The following NWD2 variants were observed in gnomAD, a reference collection of about 807,000 sequenced individuals.
NWD2 encodes NACHT and WD repeat domain containing 2, also known as NACHT and WD repeat domain-containing protein 2.
A neutral mutation model predicts 132.7 loss-of-function variants in NWD2; 37 were observed. The ratio of observed to expected loss-of-function variants is 0.28; its 90% CI spans 0.21 to 0.37. NWD2 has a LOEUF of 0.37. Ranked by LOEUF, NWD2 falls within the 10% of genes least tolerant of loss-of-function variation. The pLI is 1.00. For missense variants in NWD2, 1,592 were observed against 2,122.4 expected (o/e 0.75, Z 4.91); for synonymous variants, 705 against 803.0 (o/e 0.88, Z 2.06).
At chr4:37,278,448 C>T (rs909422957) in intron 1 of NWD2, among the ~76,000 whole-genome samples, 3 of 152,168 alleles carry the variant, frequency 2.0e-5, no homozygotes, top group African/African-American at 4.8e-5. Flanking sequence ...ATGCCAGCCT[C>T]GTGGCTTACC....
intron 3 of NWD2, among the ~76,000 whole-genome samples, chr4:37,408,665 C>T (rs1317392090): frequency 1.3e-5 from 2 of 152,318 alleles, no homozygotes; most frequent in African/African-American, 4.8e-5. Flanking sequence ...CCCAGCACAG[C>T]GTTGGAGCTC....
At chr4:37,253,724 A>G (rs1717445980) in intron 1 of NWD2, among the ~76,000 whole-genome samples, 1 of 152,212 alleles carries the variant, frequency 6.6e-6, no homozygotes, top group Non-Finnish European at 1.5e-5. Flanking sequence ...CGGCCTTGGG[A>G]AAAGTCACAT....
At chr4:37,259,135 T>G (rs1717581003) in intron 1 of NWD2, among the ~76,000 whole-genome samples, 1 of 152,196 alleles carries the variant, frequency 6.6e-6, no homozygotes, top group South Asian at 2.1e-4. Flanking sequence ...ATAATCTAGA[T>G]TATGCACTGC....
intron 3 of NWD2, among the ~76,000 whole-genome samples, chr4:37,390,654 T>A (rs1720664670): frequency 6.6e-6 from 1 of 152,108 alleles, no homozygotes; most frequent in African/African-American, 2.4e-5. Context: ...CTGCCTTAAA[T>A]CCATCAAAAA....
At chr4:37,274,263 C>A (rs1431344393) in intron 1 of NWD2, among the ~76,000 whole-genome samples, 9 of 152,056 alleles carry the variant, frequency 5.9e-5, no homozygotes, top group Non-Finnish European at 1.2e-4. Context: ...CCACCGATCC[C>A]ACAGAAATAC....
intron 3 of NWD2, among the ~76,000 whole-genome samples, chr4:37,375,081 ATCT>A (rs1329313189): frequency 2.6e-5 from 4 of 152,198 alleles, no homozygotes; most frequent in Non-Finnish European, 5.9e-5. Flanking sequence ...TACCTGTGTA[ATCT>A]TCTGTGCTTT....
At chr4:37,442,393 C>T (rs921621408) in intron 6 of NWD2, among the ~76,000 whole-genome samples, 3 of 152,148 alleles carry the variant, frequency 2.0e-5, no homozygotes, top group African/African-American at 7.2e-5. Flanking sequence ...ATATTTTATC[C>T]TTTAACACCA....
chr4:37,427,649 C>T (rs1468476542), intron 3 of NWD2, among the ~76,000 whole-genome samples: 1 of 152,136 alleles, frequency 6.6e-6, no homozygotes, highest in Non-Finnish European at 1.5e-5. Flanking sequence ...CATTCTAGCC[C>T]CTTCTAAAGG....
intron 1 of NWD2, among the ~76,000 whole-genome samples, chr4:37,265,611 G>T (rs1176848219): frequency 6.6e-6 from 1 of 151,982 alleles, no homozygotes; most frequent in African/African-American, 2.4e-5. Flanking sequence ...CATCTTCAGT[G>T]CCAGTAGCAT....
At chr4:37,320,051 T>C (rs1314034479) in intron 1 of NWD2, among the ~76,000 whole-genome samples, 1 of 152,220 alleles carries the variant, frequency 6.6e-6, no homozygotes, top group East Asian at 1.9e-4. Flanking sequence ...ATTGAATCTG[T>C]AGATTGCTTT....
At chr4:37,372,601 G>A (rs1198784801) in intron 3 of NWD2, among the ~76,000 whole-genome samples, 2 of 152,170 alleles carry the variant, frequency 1.3e-5, no homozygotes, top group African/African-American at 2.4e-5. Flanking sequence ...AATATTGGCC[G>A]CTACTAGTAA....
chr4:37,278,849 T>C (rs1718075036), intron 1 of NWD2, among the ~76,000 whole-genome samples: 1 of 152,188 alleles, frequency 6.6e-6, no homozygotes, highest in Non-Finnish European at 1.5e-5. Context: ...TTCACCCTTT[T>C]AAACCTCCTT....
chr4:37,333,436 C>T lies in NWD2; in HGVS notation c.240+7412C>T, dbSNP rs150496834. 3.3e-3 allele frequency among the ~76,000 whole-genome samples: 502 copies of T among 152,296 alleles called. 3 individuals carry two copies. Among genetic ancestry groups the T allele is most frequent in the African/African-American group, 0.011 (469 of 41,562 alleles). ...AAAGTAAGGGAAGATAACAAGATCT[C>T]TGCCTGGTAATCCAGAGAATTCTTC... On this transcript the variant is annotated intron_variant, in intron 2 of 6. Transcript: ENST00000309447.
intron 3 of NWD2, among the ~76,000 whole-genome samples, chr4:37,400,467 C>T (rs1181387020): frequency 6.6e-6 from 1 of 152,114 alleles, no homozygotes; most frequent in Admixed American, 6.5e-5. Flanking sequence ...CAGAGAGTTC[C>T]CTCTCATCAT....
chr4:37,255,182 A>G (rs1201726309), intron 1 of NWD2, among the ~76,000 whole-genome samples: 2 of 152,236 alleles, frequency 1.3e-5, no homozygotes, highest in African/African-American at 4.8e-5. Context: ...AGGCAGGACA[A>G]ACAACTATAA....
intron 3 of NWD2, among the ~76,000 whole-genome samples, chr4:37,416,282 T>C (rs16993528): frequency 6.6e-6 from 1 of 152,112 alleles, no homozygotes; most frequent in Non-Finnish European, 1.5e-5. Flanking sequence ...GAGTGAGAAA[T>C]CGGTCTGAGC....
At chr4:37,313,576 C>A (rs1019754416) in intron 1 of NWD2, among the ~76,000 whole-genome samples, 4 of 150,870 alleles carry the variant, frequency 2.7e-5, no homozygotes, top group Admixed American at 6.6e-5. Flanking sequence ...TTTCAAAAAA[C>A]CAGCTCTTGG....
chr4:37,331,830 T>A (rs1577670495), intron 2 of NWD2, among the ~76,000 whole-genome samples: 1 of 151,540 alleles, frequency 6.6e-6, no homozygotes, highest in African/African-American at 2.4e-5. Flanking sequence ...CTCCCCCAAC[T>A]CCCAGCAGCA....
intron 2 of NWD2, among the ~76,000 whole-genome samples, chr4:37,345,166 C>T (rs1719610468): frequency 6.6e-6 from 1 of 152,144 alleles, no homozygotes; most frequent in Non-Finnish European, 1.5e-5. Flanking sequence ...GTTATGAATA[C>T]TGCTGCTATG....
Sources: allele counts gnomAD v4.1 joint callset (sites outside exome capture counted in the v4.1 genomes callset), GRCh38; gene constraint gnomAD v4.1.1; transcripts MANE v1.5; gene names NCBI Gene and HGNC (gene_info 2026-07-23, HGNC 2026-07-21).